LINGO2: variants seen among roughly 807,000 people sequenced by gnomAD.
The protein encoded by LINGO2 is leucine-rich repeat and immunoglobulin-like domain-containing nogo receptor-interacting protein 2.
In LINGO2, 14 loss-of-function variants were observed where a neutral mutation model predicts 30.6. The observed-to-expected ratio is 0.46, with a 90% CI of 0.30 to 0.72. LINGO2 has a LOEUF of 0.72. Ranked by LOEUF, LINGO2 falls within the 30% of genes least tolerant of loss-of-function variation. The probability of loss-of-function intolerance (pLI) is 0.07; values close to 1 mark genes in which losing one functional copy is unlikely to be tolerated. For synonymous variants in LINGO2, 317 were observed against 288.5 expected (o/e 1.10, Z -1.00); for missense variants, 729 against 751.7 (o/e 0.97, Z 0.35).
chr9:28,059,959 T>C (rs999136436), intron 4 of LINGO2, among the ~76,000 whole-genome samples: 2 of 152,066 alleles, frequency 1.3e-5, no homozygotes, highest in African/African-American at 4.8e-5. Flanking sequence ...ATAGCTCTGC[T>C]TCTTACCATC....
At chr9:28,681,236 T>C in the LINGO2 span, among the ~76,000 whole-genome samples, 2 of 151,978 alleles carry the variant, frequency 1.3e-5, no homozygotes, top group Admixed American at 6.6e-5. Flanking sequence ...GTTAGTAGCC[T>C]GGAAAAATTC....
chr9:28,249,418 G>A (rs780198380), intron 4 of LINGO2, among the ~76,000 whole-genome samples: 34 of 152,110 alleles, frequency 2.2e-4, no homozygotes, highest in Non-Finnish European at 4.6e-4. Context: ...AGCTAGAAAT[G>A]TGTTTAATGT....
the LINGO2 span, among the ~76,000 whole-genome samples, chr9:28,825,932 C>T: frequency 1.2e-4 from 19 of 152,116 alleles, no homozygotes; most frequent in Non-Finnish European, 2.5e-4. Context: ...CATGGCATGA[C>T]CAGTCCATAT....
chr9:28,831,238 G>A, the LINGO2 span, among the ~76,000 whole-genome samples: 2 of 152,140 alleles, frequency 1.3e-5, no homozygotes, highest in South Asian at 4.1e-4. Flanking sequence ...GAATACATAT[G>A]AAGTAAGTTT....
At chr9:28,030,596 C>T (rs1823619546) in intron 4 of LINGO2, among the ~76,000 whole-genome samples, 1 of 152,180 alleles carries the variant, frequency 6.6e-6, no homozygotes, top group Non-Finnish European at 1.5e-5. Context: ...AAGTATCTAA[C>T]AGCAGATATT....
At chr9:28,631,731 C>G (rs1826953603) in intron 1 of LINGO2, among the ~76,000 whole-genome samples, 1 of 152,028 alleles carries the variant, frequency 6.6e-6, no homozygotes, top group Non-Finnish European at 1.5e-5. Flanking sequence ...CGCCTTATAC[C>G]TATGACAGTC....
At chr9:28,601,520 G>A (rs1245388898) in intron 1 of LINGO2, among the ~76,000 whole-genome samples, 1 of 152,056 alleles carries the variant, frequency 6.6e-6, no homozygotes, top group Non-Finnish European at 1.5e-5. Flanking sequence ...GTTTTGCTCT[G>A]TAATCAGAGT....
intron 1 of LINGO2, among the ~76,000 whole-genome samples, chr9:28,535,687 CAT>C (rs1316498006): frequency 4.0e-5 from 6 of 151,682 alleles, no homozygotes; most frequent in Non-Finnish European, 7.4e-5. Flanking sequence ...ATGTACACCA[CAT>C]GAGTACGTGC....
intron 4 of LINGO2, among the ~76,000 whole-genome samples, chr9:28,229,601 A>G (rs1821288759): frequency 6.6e-6 from 1 of 151,774 alleles, no homozygotes; most frequent in Non-Finnish European, 1.5e-5. Context: ...ATATGTGATG[A>G]CAGAATAGTT....
chr9:28,888,786 C>A, the LINGO2 span: 1 of 492,204 alleles, frequency 2.0e-6, no homozygotes, highest in East Asian at 5.8e-5. Flanking sequence ...AGAACTTAAA[C>A]TTATACTCAG....
At chr9:28,995,343 T>A in the LINGO2 span, among the ~76,000 whole-genome samples, 1 of 152,138 alleles carries the variant, frequency 6.6e-6, no homozygotes, top group South Asian at 2.1e-4. Flanking sequence ...CCAGTTACAA[T>A]GGTGATCATT....
intron 4 of LINGO2, among the ~76,000 whole-genome samples, chr9:28,076,740 G>T (rs1240315635): frequency 6.6e-6 from 1 of 151,888 alleles, no homozygotes; most frequent in Non-Finnish European, 1.5e-5. Context: ...TCAAATTTTT[G>T]ATTGTCAGCT....
At chr9:28,616,508 C>T (rs944354803) in intron 1 of LINGO2, among the ~76,000 whole-genome samples, 5 of 152,138 alleles carry the variant, frequency 3.3e-5, no homozygotes, top group African/African-American at 1.2e-4. Context: ...ACCAGAACTG[C>T]CATAATGCAT....
chr9:28,818,651 G>T, the LINGO2 span, among the ~76,000 whole-genome samples: 1 of 152,152 alleles, frequency 6.6e-6, no homozygotes, highest in Non-Finnish European at 1.5e-5. Flanking sequence ...CTCCCAAAGT[G>T]CTGGGATTAC....
chr9:28,423,219 T>C (rs541814776), intron 2 of LINGO2, among the ~76,000 whole-genome samples: 17 of 152,126 alleles, frequency 1.1e-4, no homozygotes, highest in Non-Finnish European at 2.5e-4. Flanking sequence ...TTAAAAAGTT[T>C]CCTTTTTTGA....
At chr9:28,554,038 A>G (rs1049988713) in intron 1 of LINGO2, among the ~76,000 whole-genome samples, 2 of 152,142 alleles carry the variant, frequency 1.3e-5, no homozygotes. Context: ...CAGCCGCTGC[A>G]AAAGCATGCC....
chr9:28,224,848 T>C (rs1321059883), intron 4 of LINGO2, among the ~76,000 whole-genome samples: 1 of 152,074 alleles, frequency 6.6e-6, no homozygotes, highest in African/African-American at 2.4e-5. Flanking sequence ...GAACAAAGCC[T>C]GAGGCACCAC....
intron 1 of LINGO2, among the ~76,000 whole-genome samples, chr9:28,543,536 C>T (rs1293758480): frequency 6.6e-6 from 1 of 151,908 alleles, no homozygotes; most frequent in Non-Finnish European, 1.5e-5. Flanking sequence ...ATTTGGACTG[C>T]CTCAGAATTT....
At chr9:28,862,031 T>C in the LINGO2 span, among the ~76,000 whole-genome samples, 7 of 152,120 alleles carry the variant, frequency 4.6e-5, no homozygotes, top group Admixed American at 6.6e-5. Context: ...ATATTATCAT[T>C]AAAAACATAA....
Sources: gnomAD v4.1 joint callset for allele counts (sites outside exome capture counted in the v4.1 genomes callset) on GRCh38, gnomAD v4.1.1 for gene constraint, MANE v1.5 for transcripts, NCBI Gene and HGNC (gene_info 2026-07-23, HGNC 2026-07-21) for gene names.